The following MRPS31 variants were observed in gnomAD, a reference collection of about 807,000 sequenced individuals.
MRPS31 encodes the protein mitochondrial ribosomal protein S31.
In MRPS31, 32 loss-of-function variants were observed where a neutral mutation model predicts 43.1. The ratio of observed to expected loss-of-function variants is 0.74; its 90% CI spans 0.56 to 1.00. The LOEUF (loss-of-function observed/expected upper bound fraction) is 1.00, where lower values mean the gene tolerates loss of function less well. Ranked by LOEUF, MRPS31 falls within the 50% of genes least tolerant of loss-of-function variation. The probability of loss-of-function intolerance (pLI) is 0.00; values close to 1 mark genes in which losing one functional copy is unlikely to be tolerated. For synonymous variants in MRPS31, 165 were observed against 161.6 expected (o/e 1.02, Z -0.16); for missense variants, 437 against 466.7 (o/e 0.94, Z 0.59).
chr13:40,737,661 A>G (rs2137995985), intron 6 of MRPS31, among the ~76,000 whole-genome samples: 1 of 152,348 alleles, frequency 6.6e-6, no homozygotes, highest in African/African-American at 2.4e-5. Flanking sequence ...CTACATGGAA[A>G]CTGAACAACC....
At chr13:40,739,636 A>G (rs1452802399) in intron 6 of MRPS31, among the ~76,000 whole-genome samples, 2 of 152,170 alleles carry the variant, frequency 1.3e-5, no homozygotes, top group African/African-American at 2.4e-5. Context: ...GTAACGCCGT[A>G]TATCTACAAC....
intron 6 of MRPS31, among the ~76,000 whole-genome samples, chr13:40,740,932 A>C (rs1880069633): frequency 7.3e-6 from 1 of 136,682 alleles, no homozygotes; most frequent in Non-Finnish European, 1.5e-5. Flanking sequence ...AACTTAAAGT[A>C]TAATAAAAAA....
At chr13:40,735,384 A>G (rs566397279) in intron 6 of MRPS31, among the ~76,000 whole-genome samples, 56 of 152,370 alleles carry the variant, frequency 3.7e-4, no homozygotes, top group African/African-American at 1.3e-3. Flanking sequence ...AGGCTTGCTT[A>G]GGTAAACAAA....
intron 6 of MRPS31, among the ~76,000 whole-genome samples, chr13:40,741,755 CA>C (rs953302089): frequency 1.3e-5 from 2 of 151,978 alleles, no homozygotes; most frequent in Non-Finnish European, 2.9e-5. Context: ...CTCCATCATT[CA>C]AAAGGAAAAT....
At chr13:40,739,195 C>T (rs1880009560) in intron 6 of MRPS31, among the ~76,000 whole-genome samples, 1 of 152,016 alleles carries the variant, frequency 6.6e-6, no homozygotes, top group South Asian at 2.1e-4. Context: ...ACAATTGCTT[C>T]AAAGAGAATA....
At chr13:40,756,423 C>T (rs1210980431) in intron 4 of MRPS31, among the ~76,000 whole-genome samples, 1 of 152,180 alleles carries the variant, frequency 6.6e-6, no homozygotes, top group Non-Finnish European at 1.5e-5. Context: ...CTTTTTTCCT[C>T]CTGCCTTTCC....
intron 6 of MRPS31, among the ~76,000 whole-genome samples, chr13:40,742,816 G>A (rs1880139227): frequency 6.6e-6 from 1 of 152,050 alleles, no homozygotes. Flanking sequence ...ATTACTCTAG[G>A]AAAGCATATC....
intron 5 of MRPS31, among the ~76,000 whole-genome samples, chr13:40,753,417 T>TTCGGTAA (rs1426756090): frequency 2.0e-5 from 3 of 152,250 alleles, no homozygotes; most frequent in Non-Finnish European, 4.4e-5. Context: ...GACCTCTGGA[T>TTCGGTAA]TCGGTAATCG....
In MRPS31 at chr13:40,758,953, T is replaced by A; in HGVS notation, c.594A>T (p.Lys198Asn). ...SRAQRDAKRPKISFSNIISDM... is the reference protein window; with the variant it reads ...SRAQRDAKRPNISFSNIISDM... ...TAAGGGTTTGATTCACTCACCTAAT[T>A]TTAGGTCGCTTTGCATCTCTCTGTG... Residue 198 changes from lysine (K) to asparagine (N), a missense_variant, in exon 3 of 7, where the codon AAA becomes AAT. Physicochemically the swap from Lys to Asn is moderately conservative, Grantham distance 94 (BLOSUM62 0). Transcript: ENST00000323563. 12 of 1,575,706 alleles carry A rather than the reference T, an allele frequency of 7.6e-6. No homozygotes were observed. The highest frequency in any genetic ancestry group is 1.0e-5 in the Non-Finnish European group (12 of 1,165,056).
intron 6 of MRPS31, among the ~76,000 whole-genome samples, chr13:40,742,779 T>C (rs887684432): frequency 6.6e-6 from 1 of 152,184 alleles, no homozygotes; most frequent in African/African-American, 2.4e-5. Context: ...CTGACCTTCT[T>C]TGCCCACTGA....
At chr13:40,732,126 G>A (rs1211324700) in intron 6 of MRPS31, among the ~76,000 whole-genome samples, 1 of 152,230 alleles carries the variant, frequency 6.6e-6, no homozygotes, top group Non-Finnish European at 1.5e-5. Flanking sequence ...AAGGCCTGTA[G>A]CCTCAAGTCA....
chr13:40,741,550 T>C (rs1880091943), intron 6 of MRPS31, among the ~76,000 whole-genome samples: 1 of 152,194 alleles, frequency 6.6e-6, no homozygotes, highest in Admixed American at 6.6e-5. Flanking sequence ...ATATCATTTT[T>C]TACCCAGAAC....
chr13:40,742,250 A>C (rs1371432766), intron 6 of MRPS31, among the ~76,000 whole-genome samples: 1 of 152,212 alleles, frequency 6.6e-6, no homozygotes, highest in Non-Finnish European at 1.5e-5. Context: ...TATGATGCAC[A>C]ATCAAATAAG....
intron 6 of MRPS31, among the ~76,000 whole-genome samples, chr13:40,745,614 T>G (rs1880220998): frequency 6.6e-6 from 1 of 152,218 alleles, no homozygotes; most frequent in Non-Finnish European, 1.5e-5. Flanking sequence ...TTTGCAAATA[T>G]TTTCTCCTAC....
At chr13:40,737,060 A>C (rs1879934804) in intron 6 of MRPS31, among the ~76,000 whole-genome samples, 2 of 151,790 alleles carry the variant, frequency 1.3e-5, no homozygotes, top group African/African-American at 4.9e-5. Context: ...ACACACACAT[A>C]GGCTCAAAAT....
chr13:40,739,824 A>G (rs891604492), intron 6 of MRPS31, among the ~76,000 whole-genome samples: 23 of 151,874 alleles, frequency 1.5e-4, no homozygotes, highest in Non-Finnish European at 1.9e-4. Flanking sequence ...TAGACCTAAA[A>G]CCATAAAAAC....
chr13:40,734,794 G>A (rs1008616425), intron 6 of MRPS31, among the ~76,000 whole-genome samples: 9 of 152,118 alleles, frequency 5.9e-5, no homozygotes, highest in Non-Finnish European at 1.2e-4. Flanking sequence ...CACTAGAAAG[G>A]CTGAGATGGG....
At chr13:40,755,659 C>A (rs1383985051) in intron 4 of MRPS31, among the ~76,000 whole-genome samples, 1 of 152,138 alleles carries the variant, frequency 6.6e-6, no homozygotes, top group African/African-American at 2.4e-5. Flanking sequence ...CCAGATCCTG[C>A]CCCAGTCATA....
At chr13:40,729,897 T>G (rs974246773) in intron 6 of MRPS31, among the ~76,000 whole-genome samples, 10 of 151,892 alleles carry the variant, frequency 6.6e-5, no homozygotes, top group Non-Finnish European at 1.3e-4. Flanking sequence ...GCCCAGCTAA[T>G]TTTTTTATTT....
Sources: allele counts gnomAD v4.1 joint callset (sites outside exome capture counted in the v4.1 genomes callset), GRCh38; gene constraint gnomAD v4.1.1; transcripts MANE v1.5; gene names NCBI Gene and HGNC (gene_info 2026-07-23, HGNC 2026-07-21).